Variants in THSD7A observed in about 807,000 individuals in gnomAD.
The protein encoded by THSD7A is thrombospondin type 1 domain containing 7A.
In THSD7A, 96 loss-of-function variants were observed where a neutral mutation model predicts 231.3. The ratio of observed to expected loss-of-function variants is 0.41; its 90% CI spans 0.35 to 0.49. The LOEUF (loss-of-function observed/expected upper bound fraction) is 0.49, where lower values mean the gene tolerates loss of function less well. Ranked by LOEUF, THSD7A falls within the 20% of genes least tolerant of loss-of-function variation. The pLI is 0.05. For missense variants in THSD7A, 2,290 were observed against 2,070.2 expected (o/e 1.11, Z -2.06); for synonymous variants, 940 against 743.3 (o/e 1.26, Z -4.30).
chr7:11,431,942 A>G (rs1784489173), intron 13 of THSD7A, among the ~76,000 whole-genome samples: 1 of 152,116 alleles, frequency 6.6e-6, no homozygotes, highest in Non-Finnish European at 1.5e-5. Context: ...TGGATTTTAA[A>G]AAGAACCTAC....
chr7:11,799,833 G>A (rs934697627), intron 1 of THSD7A, among the ~76,000 whole-genome samples: 1 of 152,192 alleles, frequency 6.6e-6, no homozygotes, highest in African/African-American at 2.4e-5. Context: ...ATTACAGAAT[G>A]AGAGAGTTTA....
chr7:11,595,966 G>T (rs1362631555), intron 2 of THSD7A, among the ~76,000 whole-genome samples: 1 of 152,188 alleles, frequency 6.6e-6, no homozygotes, highest in African/African-American at 2.4e-5. Context: ...AAGTGAAATT[G>T]ATAGGAAGCC....
intron 23 of THSD7A, among the ~76,000 whole-genome samples, chr7:11,398,515 C>T (rs910698358): frequency 6.6e-6 from 1 of 151,818 alleles, no homozygotes; most frequent in African/African-American, 2.4e-5. Flanking sequence ...GCACGTTCTG[C>T]ACATGTACCC....
intron 6 of THSD7A, among the ~76,000 whole-genome samples, chr7:11,489,248 G>A (rs1786790170): frequency 6.6e-6 from 1 of 152,070 alleles, no homozygotes; most frequent in South Asian, 2.1e-4. Context: ...AAAGAAAAAA[G>A]CACTGGTGTT....
intron 1 of THSD7A, among the ~76,000 whole-genome samples, chr7:11,641,980 T>G (rs1167617742): frequency 1.3e-5 from 2 of 151,980 alleles, no homozygotes; most frequent in African/African-American, 4.8e-5. Context: ...CCAAATTGAA[T>G]AGAAAAAGGA....
rs1403653426 is a variant in THSD7A at position 11,637,676 on chromosome 7, G to A, written c.191-715C>T. The stretch of plus-strand genomic sequence containing the variant: ...TTTGCAATTTTCTAATCATTGAGAG[G>A]TTATTTGGGGTCTTATTTATTTATT... On this transcript the variant is annotated intron_variant, in intron 1 of 27. Coordinates refer to ENST00000423059, the MANE Select transcript of THSD7A (RefSeq NM_015204.3). This position sits in a 1 kb window ranked among gnomAD's most constrained non-coding sequence, Gnocchi z 4.2. Among the ~76,000 whole-genome samples, 1 of 152,140 alleles carries A rather than the reference G, an allele frequency of 6.6e-6. No individual in the cohort carries two copies. Among genetic ancestry groups the A allele is most frequent in the Admixed American group, 6.6e-5 (1 of 15,264 alleles).
intron 11 of THSD7A, among the ~76,000 whole-genome samples, chr7:11,447,872 T>A (rs1785023722): frequency 6.6e-6 from 1 of 152,150 alleles, no homozygotes; most frequent in Non-Finnish European, 1.5e-5. Flanking sequence ...CACCCTAGAA[T>A]TCCTTTATAG....
chr7:11,540,787 A>C (rs901032774), intron 6 of THSD7A, among the ~76,000 whole-genome samples: 12 of 152,338 alleles, frequency 7.9e-5, no homozygotes, highest in Middle Eastern at 6.8e-3. Context: ...AACAAATATT[A>C]GTTGTAAAAG....
At chr7:11,490,306 T>TAAC (rs1454984591) in intron 6 of THSD7A, among the ~76,000 whole-genome samples, 1 of 152,140 alleles carries the variant, frequency 6.6e-6, no homozygotes, top group African/African-American at 2.4e-5. Flanking sequence ...AATCCAATCA[T>TAAC]AACTTTGCAT....
chr7:11,421,452 T>G lies in THSD7A; in HGVS notation c.3383+3244A>C, dbSNP rs548018628. ...CTCCCGAGCCATGTCTCTCCTGTAC[T>G]GCCTGTGGAACTGTGAGTCAAATTA... On this transcript the variant is annotated intron_variant, in intron 16 of 27. Coordinates refer to ENST00000423059, the MANE Select transcript of THSD7A (RefSeq NM_015204.3). Among the ~76,000 whole-genome samples, 69 of 152,346 alleles carry G rather than the reference T, an allele frequency of 4.5e-4. 1 individual carries two copies. Among genetic ancestry groups the G allele is most frequent in the African/African-American group, 1.7e-3 (69 of 41,572 alleles).
intron 2 of THSD7A, among the ~76,000 whole-genome samples, chr7:11,607,835 T>C (rs766156286): frequency 3.3e-5 from 5 of 152,126 alleles, no homozygotes; most frequent in African/African-American, 4.8e-5. Context: ...TTTGTTGAGC[T>C]GCTGGGGAAC....
rs1018292931 is a variant in THSD7A, at chr7:11,493,765, A to G, written c.1823-11783T>C. Among the ~76,000 whole-genome samples, 8 of 152,086 alleles carry G rather than the reference A, an allele frequency of 5.3e-5. 1 individual carries two copies. Among genetic ancestry groups the G allele is most frequent in the African/African-American group, 1.2e-4 (5 of 41,440 alleles). On this transcript the variant is annotated intron_variant, in intron 6 of 27. Coordinates refer to ENST00000423059, the MANE Select transcript of THSD7A (RefSeq NM_015204.3). The stretch of plus-strand genomic sequence containing the variant: ...AATTATTTAAGTATTTTAAAGAGCC[A>G]TAAGTAAACCAGACTGGACTCTTTT...
At chr7:11,706,869 T>A (rs2128147029) in intron 1 of THSD7A, among the ~76,000 whole-genome samples, 1 of 150,736 alleles carries the variant, frequency 6.6e-6, no homozygotes, top group African/African-American at 2.4e-5. Flanking sequence ...TTCTTGTCAT[T>A]ATCTGAACTC....
chr7:11,791,937 G>C (rs1562559138), intron 1 of THSD7A, among the ~76,000 whole-genome samples: 1 of 151,466 alleles, frequency 6.6e-6, no homozygotes, highest in Non-Finnish European at 1.5e-5. Context: ...TTTGATTCTT[G>C]CTTTCTGGTG....
chr7:11,740,860 C>T (rs1323431937), intron 1 of THSD7A, among the ~76,000 whole-genome samples: 1 of 151,970 alleles, frequency 6.6e-6, no homozygotes, highest in Admixed American at 6.6e-5. Context: ...TGTTCCATAG[C>T]ATATTAGTCC....
intron 19 of THSD7A, among the ~76,000 whole-genome samples, chr7:11,408,017 C>T (rs972326230): frequency 6.6e-6 from 1 of 151,972 alleles, no homozygotes; most frequent in African/African-American, 2.4e-5. Context: ...AAGATTTTCA[C>T]TTCTAAAACT....
At position 11,521,634 on chromosome 7, in the gene THSD7A, G is replaced by A. The variant is rs1348187565; in HGVS notation, c.1822+19785C>T. On this transcript the variant is annotated intron_variant, in intron 6 of 27. Coordinates refer to ENST00000423059, the MANE Select transcript of THSD7A (RefSeq NM_015204.3). Reference sequence around the variant, plus strand: ...ATGTATACATGTGCCATGCTGGTGCGCTGCACCCACTAACGTGTCATCTAG... The same window carrying A: ...ATGTATACATGTGCCATGCTGGTGCACTGCACCCACTAACGTGTCATCTAG... 1.1e-4 allele frequency among the ~76,000 whole-genome samples: 15 copies of A among 141,840 alleles called. 4 individuals are homozygous for A. The highest frequency in any genetic ancestry group is 3.0e-4 in the African/African-American group (11 of 36,114). The allele number at this position is 141,840 out of a possible 152,430, so 93.1% of individuals were successfully genotyped here. A position where few individuals can be genotyped will look rare whatever the true frequency, so the allele number is the denominator to read the frequency against.
At chr7:11,575,952 G>A (rs945656087) in intron 4 of THSD7A, among the ~76,000 whole-genome samples, 1 of 152,022 alleles carries the variant, frequency 6.6e-6, no homozygotes, top group East Asian at 1.9e-4. Flanking sequence ...TTTTCTTTCT[G>A]GCTCTAGAAC....
chr7:11,803,074 AG>A (rs1784318438), intron 1 of THSD7A, among the ~76,000 whole-genome samples: 1 of 152,170 alleles, frequency 6.6e-6, no homozygotes, highest in Non-Finnish European at 1.5e-5. Context: ...ATAATTTGGT[AG>A]GGAGAGGACA....
Sources: gnomAD v4.1 joint callset for allele counts (sites outside exome capture counted in the v4.1 genomes callset) on GRCh38, gnomAD v4.1.1 for gene constraint, Gnocchi (gnomAD v3.1) non-coding constraint, MANE v1.5 for transcripts, NCBI Gene and HGNC (gene_info 2026-07-23, HGNC 2026-07-21) for gene names.